HNF4A: variants seen among roughly 807,000 people sequenced by gnomAD.
HNF4A encodes the protein hepatocyte nuclear factor 4-alpha.
In HNF4A, 15 loss-of-function variants were observed where a neutral mutation model predicts 52.4. The ratio of observed to expected loss-of-function variants is 0.29; its 90% CI spans 0.19 to 0.44. The LOEUF is 0.44. Ranked by LOEUF, HNF4A falls within the 20% of genes least tolerant of loss-of-function variation. The pLI is 1.00. For missense variants in HNF4A, 479 were observed against 647.2 expected, an observed-to-expected ratio of 0.74 and a Z score of 2.82; for synonymous variants, 280 against 264.4, an observed-to-expected ratio of 1.06 and a Z score of -0.57.
At chr20:44,365,417 G>C (rs1233790163) in intron 1 of HNF4A, among the ~76,000 whole-genome samples, 1 of 151,980 alleles carries the variant, frequency 6.6e-6, no homozygotes, top group African/African-American at 2.4e-5. Flanking sequence ...CAATCTTCCT[G>C]CATCAGCCTC....
At chr20:44,386,433 C>A (rs1236003348) in intron 1 of HNF4A, among the ~76,000 whole-genome samples, 1 of 152,216 alleles carries the variant, frequency 6.6e-6, no homozygotes, top group Non-Finnish European at 1.5e-5. Flanking sequence ...TCCCGAAGTG[C>A]TGGGATTACA....
chr20:44,403,958 G>A (rs1167039047), intron 1 of HNF4A, among the ~76,000 whole-genome samples: 2 of 152,092 alleles, frequency 1.3e-5, no homozygotes, highest in Non-Finnish European at 2.9e-5. Context: ...GGTCGGGGGA[G>A]GAGAGGCCGA....
downstream of HNF4A, chr20:44,432,990 A>G (rs1298941954): frequency 1.3e-5 from 2 of 152,130 alleles, no homozygotes; most frequent in African/African-American, 2.4e-5. Context: ...TTTTGTGTCC[A>G]TTATAATTTT....
chr20:44,364,571 A>G (rs1381781564), intron 1 of HNF4A, among the ~76,000 whole-genome samples: 1 of 151,990 alleles, frequency 6.6e-6, no homozygotes, highest in East Asian at 1.9e-4. Context: ...CCTGGGTTCA[A>G]GCAATTCTCT....
chr20:44,393,073 A>C (rs2063319544), intron 1 of HNF4A, among the ~76,000 whole-genome samples: 1 of 152,200 alleles, frequency 6.6e-6, no homozygotes, highest in Non-Finnish European at 1.5e-5. Context: ...GAGTATGGGG[A>C]GACCAAGGGT....
At chr20:44,373,236 A>G (rs2063051944) in intron 1 of HNF4A, among the ~76,000 whole-genome samples, 1 of 152,112 alleles carries the variant, frequency 6.6e-6, no homozygotes, top group Admixed American at 6.6e-5. Flanking sequence ...TACAGCCTCA[A>G]ATTCCTGGGC....
At chr20:44,356,406 A>C (rs1244178676) in intron 1 of HNF4A, among the ~76,000 whole-genome samples, 1 of 152,170 alleles carries the variant, frequency 6.6e-6, no homozygotes, top group Non-Finnish European at 1.5e-5. Flanking sequence ...AGGGCTAGAA[A>C]GCATGTGTTA....
chr20:44,368,160 A>ATATATATATATATTTTTTT (rs1200638153), intron 1 of HNF4A, among the ~76,000 whole-genome samples: 2 of 27,780 alleles, frequency 7.2e-5, no homozygotes, highest in Admixed American at 8.5e-4. Context: ...ATATATATAT[A>ATATATATATATATTTTTTT]TTTTTTTTTT....
At chr20:44,367,311 G>GTAACA (rs1439917367) in intron 1 of HNF4A, among the ~76,000 whole-genome samples, 2 of 149,116 alleles carry the variant, frequency 1.3e-5, no homozygotes, top group East Asian at 2.0e-4. Flanking sequence ...CTCCAGCCTG[G>GTAACA]GCAACAAAAG....
Position 44,407,365 on chromosome 20 carries a change from C to T in HNF4A, c.291-16C>T. 1 of 1,597,362 alleles carries T rather than the reference C, an allele frequency of 6.3e-7. No homozygotes were observed. Among genetic ancestry groups the T allele is most frequent in the Non-Finnish European group, 8.6e-7 (1 of 1,168,142 alleles). On this transcript the variant is annotated splice_polypyrimidine_tract_variant and intron_variant, in intron 2 of 9. Coordinates refer to ENST00000316099, the MANE Select transcript of HNF4A (RefSeq NM_000457.6). ...AGTTGTGTCTTCTCCATCCAACCAT[C>T]CAAAGCCCTCCCCAGATTTAGCCGG...
chr20:44,417,876 C>T (rs537523112), intron 5 of HNF4A, among the ~76,000 whole-genome samples: 40 of 150,306 alleles, frequency 2.7e-4, no homozygotes, highest in South Asian at 1.3e-3. Context: ...GGCTGAGGCA[C>T]GAGAATCACT....
intron 1 of HNF4A, among the ~76,000 whole-genome samples, chr20:44,388,860 G>A (rs1204131336): frequency 6.6e-6 from 1 of 152,186 alleles, no homozygotes; most frequent in Non-Finnish European, 1.5e-5. Flanking sequence ...GCTGCGGCCC[G>A]GGTGGCCACG....
In HNF4A at chr20:44,424,210, G is replaced by A; in HGVS notation, c.1085G>A (p.Gly362Asp). 1 of 1,614,018 alleles carries A rather than the reference G, an allele frequency of 6.2e-7. No individual in the cohort carries two copies. The highest frequency in any genetic ancestry group is 8.5e-7 in the Non-Finnish European group (1 of 1,179,988). Residue 362 changes from glycine to aspartate, a missense_variant, in exon 8 of 10, where the codon GGC becomes GAC. By Grantham distance (94) the Gly-to-Asp change is moderately conservative. Coordinates refer to ENST00000316099, the MANE Select transcript of HNF4A (RefSeq NM_000457.6). ...CAGATCCAGTTCATCAAGCTCTTCG[G>A]CATGGCCAAGATTGACAACCTGTTG...
chr20:44,414,309 C>T (rs1379252012), intron 4 of HNF4A, among the ~76,000 whole-genome samples, 198 bp from the exon 5 acceptor site: 2 of 152,168 alleles, frequency 1.3e-5, no homozygotes, highest in East Asian at 3.9e-4. Flanking sequence ...CAGGTGAAGG[C>T]ACAGAGGGAG....
In HNF4A at chr20:44,368,160, A is replaced by ATTTTTTTTTTTTT; in HGVS notation, c.49+12319_49+12331dup. 1.3e-3 allele frequency among the ~76,000 whole-genome samples: 37 copies of ATTTTTTTTTTTTT among 27,778 alleles called. 9 individuals carry two copies. The highest frequency in any genetic ancestry group is 9.5e-3 in the East Asian group (8 of 842). 18.2% of individuals were successfully genotyped at this position (27,778 alleles called of 152,430 possible). Reference sequence around the variant, plus strand: ...TATATACATATATATATATATATATATTTTTTTTTTTTTTTTTTTTTTTTG... The same window carrying ATTTTTTTTTTTTT: ...TATATACATATATATATATATATATATTTTTTTTTTTTTTTTTTTTTTTTTTTTTTTTTTTTTG... On this transcript the variant is annotated intron_variant, in intron 1 of 9. Transcript: ENST00000316673.
chr20:44,399,632 A>G (rs2063384366), upstream of HNF4A, among the ~76,000 whole-genome samples: 1 of 152,102 alleles, frequency 6.6e-6, no homozygotes, highest in African/African-American at 2.4e-5. Context: ...CCACCCACAC[A>G]TTCACTCATT....
chr20:44,399,152 A>G (rs1313172750), upstream of HNF4A, among the ~76,000 whole-genome samples: 1 of 152,134 alleles, frequency 6.6e-6, no homozygotes, highest in Admixed American at 6.5e-5. Context: ...GATACTCCTG[A>G]GGTAGGCATG....
chr20:44,418,109 GA>G lies in HNF4A; in HGVS notation c.649-307del, dbSNP rs886279873. On this transcript the variant is annotated intron_variant, in intron 5 of 9. Coordinates refer to ENST00000316099, the MANE Select transcript of HNF4A (RefSeq NM_000457.6). ...AGACCTTTTTGAGAATCTCAAAAAA[GA>G]AAAAAAAAGCACACAGAATGTTGCT... Among the ~76,000 whole-genome samples, 5 of 150,934 alleles carry G rather than the reference GA, an allele frequency of 3.3e-5. No homozygotes were observed. In the East Asian group the frequency reaches 9.7e-4, roughly 29 times the overall value.
At chr20:44,420,002 C>A in intron 7 of HNF4A, 126 bp downstream of exon 7, 1 of 999,882 alleles carries the variant, frequency 1.0e-6, no homozygotes, top group South Asian at 1.3e-5. Context: ...CAGGAGAGGC[C>A]GTTTTCATTT....
Sources: allele counts gnomAD v4.1 joint callset (sites outside exome capture counted in the v4.1 genomes callset), GRCh38; gene constraint gnomAD v4.1.1; transcripts MANE v1.5; gene names NCBI Gene and HGNC (gene_info 2026-07-23, HGNC 2026-07-21).